The following B3GALT1 variants were observed in gnomAD, a reference collection of about 807,000 sequenced individuals.
The protein encoded by B3GALT1 is beta-1,3-galactosyltransferase 1, also known as UDP-Gal:betaGlcNAc beta 1,3-galactosyltransferase, polypeptide 1.
Under a neutral mutation model 23.2 loss-of-function variants are expected in B3GALT1, and 10 were observed. The observed-to-expected ratio is 0.43, with a 90% confidence interval of 0.27 to 0.73. The LOEUF (loss-of-function observed/expected upper bound fraction) is 0.73, where lower values mean the gene tolerates loss of function less well. Among genes scored for constraint, B3GALT1 ranks in the 30% least tolerant of loss-of-function variants. The probability of loss-of-function intolerance (pLI) is 0.21; values close to 1 mark genes in which losing one functional copy is unlikely to be tolerated. For missense variants in B3GALT1, 299 were observed against 405.4 expected (o/e 0.74, Z 2.25); for synonymous variants, 156 against 141.5 (o/e 1.10, Z -0.73).
At chr2:167,817,162 C>G (rs1174171547) in intron 3 of B3GALT1, among the ~76,000 whole-genome samples, 3 of 152,192 alleles carry the variant, frequency 2.0e-5, no homozygotes, top group African/African-American at 7.2e-5. Context: ...TAAGTTCAAA[C>G]AAACACTGGC....
intron 2 of B3GALT1, among the ~76,000 whole-genome samples, chr2:167,631,769 C>CTTT (rs558837779): frequency 1.7e-5 from 2 of 120,594 alleles, no homozygotes; most frequent in African/African-American, 3.2e-5. Context: ...CTTTTCTTTT[C>CTTT]TTTTTTTTTT....
At position 167,713,102 on chromosome 2, in the gene B3GALT1, A is replaced by G. The variant is rs13423055; in HGVS notation, c.-352+66136A>G. Among the ~76,000 whole-genome samples the G allele has an allele frequency of 9.0e-3, 1,370 of 152,284 alleles. 21 individuals carry two copies. The highest frequency in any genetic ancestry group is 0.031 in the African/African-American group (1,279 of 41,552). On this transcript the variant is annotated intron_variant, in intron 3 of 4. Transcript: ENST00000392690. ...AGAATAGACAACTGAGTGCATCTCA[A>G]AATTTTAGTCACAATTCTTACTACT...
chr2:167,635,889 A>G (rs1258867624), intron 2 of B3GALT1, among the ~76,000 whole-genome samples: 1 of 152,040 alleles, frequency 6.6e-6, no homozygotes, highest in Non-Finnish European at 1.5e-5. Flanking sequence ...AGCCAAGACA[A>G]TCCTAAGCAA....
intron 3 of B3GALT1, among the ~76,000 whole-genome samples, chr2:167,723,328 G>A (rs951867052): frequency 1.3e-5 from 2 of 152,134 alleles, no homozygotes; most frequent in Admixed American, 6.5e-5. Flanking sequence ...AAACTAAAGA[G>A]GAGTGAAACT....
chr2:167,313,770 G>C (rs1696668311), intron 1 of B3GALT1, among the ~76,000 whole-genome samples: 2 of 152,128 alleles, frequency 1.3e-5, no homozygotes, highest in Non-Finnish European at 1.5e-5. Flanking sequence ...TGCACAACAA[G>C]CTAGTTTTCC....
At chr2:167,449,963 T>A (rs1699062397) in intron 1 of B3GALT1, among the ~76,000 whole-genome samples, 1 of 152,146 alleles carries the variant, frequency 6.6e-6, no homozygotes, top group Admixed American at 6.5e-5. Flanking sequence ...TGGTGGATAA[T>A]CTTTTTGACA....
intron 3 of B3GALT1, among the ~76,000 whole-genome samples, chr2:167,752,453 C>T (rs185555726): frequency 4.0e-5 from 6 of 151,610 alleles, no homozygotes; most frequent in Admixed American, 1.3e-4. Flanking sequence ...AGGAGACCTA[C>T]GTGATGTTGC....
intron 4 of B3GALT1, among the ~76,000 whole-genome samples, chr2:167,828,685 G>T (rs1689280491): frequency 2.6e-5 from 4 of 152,168 alleles, no homozygotes; most frequent in African/African-American, 9.7e-5. Context: ...AGCCTTTACT[G>T]AGTGCTTACT....
intron 2 of B3GALT1, among the ~76,000 whole-genome samples, chr2:167,568,201 A>T (rs889987819): frequency 6.6e-6 from 1 of 152,012 alleles, no homozygotes; most frequent in Non-Finnish European, 1.5e-5. Flanking sequence ...CTTTGTGTGG[A>T]TATTAGTTTT....
chr2:167,360,240 G>C (rs1697479326), intron 1 of B3GALT1, among the ~76,000 whole-genome samples: 1 of 152,064 alleles, frequency 6.6e-6, no homozygotes, highest in South Asian at 2.1e-4. Context: ...TGTAGGTTAG[G>C]AACTGTTATA....
intron 1 of B3GALT1, among the ~76,000 whole-genome samples, chr2:167,308,076 CTG>C (rs1245471861): frequency 1.3e-5 from 2 of 151,936 alleles, no homozygotes; most frequent in African/African-American, 4.8e-5. Flanking sequence ...TGGAATGTTA[CTG>C]TGTGTTAGAA....
At chr2:167,556,749 A>C (rs1313013602) in intron 2 of B3GALT1, among the ~76,000 whole-genome samples, 10 of 152,192 alleles carry the variant, frequency 6.6e-5, no homozygotes, top group Admixed American at 5.2e-4. Flanking sequence ...GTTCACTGCA[A>C]CTTCATAGAG....
chr2:167,541,620 G>A (rs1259405819), intron 2 of B3GALT1, among the ~76,000 whole-genome samples: 1 of 152,068 alleles, frequency 6.6e-6, no homozygotes. Context: ...TATCTGTACA[G>A]ATAGATTTCT....
At chr2:167,561,604 TA>T (rs1373076974) in intron 2 of B3GALT1, among the ~76,000 whole-genome samples, 3 of 151,684 alleles carry the variant, frequency 2.0e-5, no homozygotes, top group African/African-American at 4.9e-5. Context: ...ATAGACACAA[TA>T]AAAAATGATA....
chr2:167,551,790 AG>A (rs1000404164), intron 2 of B3GALT1, among the ~76,000 whole-genome samples: 3 of 152,098 alleles, frequency 2.0e-5, no homozygotes, highest in African/African-American at 7.2e-5. Flanking sequence ...GCTCAAGAGT[AG>A]GGGTGACTTG....
chr2:167,412,758 A>G (rs561063873), intron 1 of B3GALT1, among the ~76,000 whole-genome samples: 1 of 152,254 alleles, frequency 6.6e-6, no homozygotes, highest in Admixed American at 6.5e-5. Flanking sequence ...ATAAATGTGT[A>G]CATCTCTTCA....
chr2:167,637,582 A>G (rs1401639118), intron 2 of B3GALT1, among the ~76,000 whole-genome samples: 3 of 151,988 alleles, frequency 2.0e-5, no homozygotes, highest in African/African-American at 7.2e-5. Context: ...CTACTCTGCT[A>G]TTGAACATTA....
At chr2:167,553,102 G>T (rs1009833110) in intron 2 of B3GALT1, among the ~76,000 whole-genome samples, 5 of 152,050 alleles carry the variant, frequency 3.3e-5, no homozygotes, top group African/African-American at 1.2e-4. Flanking sequence ...CCAATCCAGA[G>T]AATAATTTTT....
intron 2 of B3GALT1, among the ~76,000 whole-genome samples, chr2:167,507,166 T>C (rs1473364126): frequency 6.6e-6 from 1 of 151,892 alleles, no homozygotes; most frequent in South Asian, 2.1e-4. Context: ...GAAAGATGAG[T>C]GGAATAGAGG....
Sources: gnomAD v4.1 joint callset for allele counts (sites outside exome capture counted in the v4.1 genomes callset) on GRCh38, gnomAD v4.1.1 for gene constraint, MANE v1.5 for transcripts, NCBI Gene and HGNC (gene_info 2026-07-23, HGNC 2026-07-21) for gene names.